The following GLIS3 variants were observed in gnomAD, a reference collection of about 807,000 sequenced individuals.
GLIS3 encodes the protein zinc finger protein GLIS3.
Under a neutral mutation model 78.6 loss-of-function variants are expected in GLIS3, and 53 were observed. That is an observed-to-expected ratio of 0.67 (90% CI 0.54 to 0.85). The LOEUF (loss-of-function observed/expected upper bound fraction) is 0.85, where lower values mean the gene tolerates loss of function less well. GLIS3 is among the 40% of genes least tolerant of loss of function. The pLI is 0.00. For synonymous variants in GLIS3, 684 were observed against 509.9 expected (o/e 1.34, Z -4.60); for missense variants, 1,703 against 1,231.1 (o/e 1.38, Z -5.74).
chr9:3,877,951 C>A (rs1022292770), intron 8 of GLIS3, among the ~76,000 whole-genome samples: 3 of 152,162 alleles, frequency 2.0e-5, no homozygotes, highest in African/African-American at 7.2e-5. Context: ...GGATAAGGGG[C>A]AAATTCCTTA....
chr9:4,144,449 T>G (rs1296007186), intron 2 of GLIS3, among the ~76,000 whole-genome samples: 1 of 152,250 alleles, frequency 6.6e-6, no homozygotes, highest in Non-Finnish European at 1.5e-5. Flanking sequence ...CTCGTTTCTG[T>G]GTCATTTTTG....
chr9:3,827,902 G>C lies in GLIS3; in HGVS notation c.*370C>G, dbSNP rs532544590. 6.1e-6 allele frequency: 2 copies of C among 325,314 alleles called. No homozygotes were observed. Among genetic ancestry groups the C allele is most frequent in the East Asian group, 1.6e-4 (2 of 12,894 alleles). The allele number at this position is 325,314 out of a possible 1,614,324, so 20.2% of individuals were successfully genotyped here. The stretch of plus-strand genomic sequence containing the variant: ...TCTCGTAATTGAGGTCTTTTTCCCT[G>C]TTTGGAGTTTTCAGGTAGAGTCATC... On this transcript the variant is annotated 3_prime_UTR_variant, in exon 11 of 11. Transcript: ENST00000381971.
intron 2 of GLIS3, among the ~76,000 whole-genome samples, chr9:4,267,610 T>C (rs1418301509): frequency 6.6e-6 from 1 of 152,204 alleles, no homozygotes; most frequent in Non-Finnish European, 1.5e-5. Context: ...TGGCACATCT[T>C]AGGAAACTTT....
chr9:3,956,943 C>T (rs972962195), intron 4 of GLIS3, among the ~76,000 whole-genome samples: 2 of 152,198 alleles, frequency 1.3e-5, no homozygotes, highest in African/African-American at 4.8e-5. Flanking sequence ...GCTGATTGAG[C>T]CCCCATATCT....
chr9:4,008,566 T>C (rs1222312139), intron 4 of GLIS3, among the ~76,000 whole-genome samples: 1 of 152,210 alleles, frequency 6.6e-6, no homozygotes, highest in African/African-American at 2.4e-5. Flanking sequence ...TGACATCTTT[T>C]AACAGAGGGG....
chr9:4,149,209 C>T (rs570650560), intron 2 of GLIS3, among the ~76,000 whole-genome samples: 1 of 152,310 alleles, frequency 6.6e-6, no homozygotes, highest in South Asian at 2.1e-4. Context: ...GGAAGGCTTA[C>T]TTGGTGCCAG....
intron 4 of GLIS3, among the ~76,000 whole-genome samples, chr9:3,963,504 C>T (rs1419075854): frequency 6.6e-6 from 1 of 152,098 alleles, no homozygotes; most frequent in Non-Finnish European, 1.5e-5. Context: ...GGTGCTTGGC[C>T]AAGTGGCTTC....
intron 8 of GLIS3, among the ~76,000 whole-genome samples, chr9:3,863,498 A>G (rs1351886665): frequency 6.6e-6 from 1 of 152,210 alleles, no homozygotes; most frequent in Non-Finnish European, 1.5e-5. Context: ...ATAGTCCAAG[A>G]GCCTAATCTG....
In GLIS3 at chr9:4,284,107, G is replaced by C. The variant is rs1481148205; in HGVS notation, c.388+1931C>G. 4.6e-5 allele frequency among the ~76,000 whole-genome samples: 7 copies of C among 152,206 alleles called. No individual in the cohort carries two copies. In the East Asian group the frequency reaches 1.2e-3, roughly 25 times the overall value. On this transcript the variant is annotated intron_variant, in intron 2 of 10. Coordinates refer to ENST00000381971, the MANE Select transcript of GLIS3 (RefSeq NM_001042413.2). ...ACAGCCACTGCTGACCGCCATCAAA[G>C]TTAGTATTCCCAAGCTCCTTACTGG... is the stretch of plus-strand genomic sequence containing the variant.
the GLIS3 span, among the ~76,000 whole-genome samples, chr9:4,353,934 T>G: frequency 6.6e-6 from 1 of 151,686 alleles, no homozygotes; most frequent in Admixed American, 6.6e-5. Context: ...TTCACGCCAT[T>G]CTCCTGCCTC....
chr9:4,184,639 T>C (rs1338422013), intron 2 of GLIS3, among the ~76,000 whole-genome samples: 1 of 152,234 alleles, frequency 6.6e-6, no homozygotes, highest in Non-Finnish European at 1.5e-5. Flanking sequence ...TGGTACTTCA[T>C]GTAGGTGAAG....
At chr9:4,288,445 C>T (rs1404498589) in intron 1 of GLIS3, among the ~76,000 whole-genome samples, 1 of 151,730 alleles carries the variant, frequency 6.6e-6, no homozygotes, top group Admixed American at 6.6e-5. Context: ...CAAGTGTCTG[C>T]AGATTTTCAG....
intron 2 of GLIS3, among the ~76,000 whole-genome samples, chr9:4,328,339 A>T (rs1433662584): frequency 6.6e-6 from 1 of 152,196 alleles, no homozygotes; most frequent in East Asian, 1.9e-4. Flanking sequence ...AGTTGAACAA[A>T]ACCAGAACCC....
chr9:4,464,861 T>A, the GLIS3 span, among the ~76,000 whole-genome samples: 1 of 152,124 alleles, frequency 6.6e-6, no homozygotes, highest in East Asian at 1.9e-4. Context: ...CACATTTGAG[T>A]TTAAACCTGA....
chr9:4,436,453 C>T, the GLIS3 span, among the ~76,000 whole-genome samples: 1 of 152,104 alleles, frequency 6.6e-6, no homozygotes, highest in Non-Finnish European at 1.5e-5. Flanking sequence ...TTCCTCATAT[C>T]ACTGCCACCA....
intron 2 of GLIS3, among the ~76,000 whole-genome samples, chr9:4,150,457 G>A (rs1382914440): frequency 1.3e-5 from 2 of 152,202 alleles, no homozygotes; most frequent in Non-Finnish European, 2.9e-5. Context: ...TTCAGTCTGT[G>A]GCAAGCTCAG....
intron 4 of GLIS3, among the ~76,000 whole-genome samples, chr9:4,116,461 C>G (rs529037071): frequency 2.0e-4 from 31 of 152,348 alleles, no homozygotes; most frequent in African/African-American, 7.5e-4. Context: ...AGAAAAATCA[C>G]AATGTGGTGC....
At chr9:4,251,542 A>G (rs1363402777) in intron 2 of GLIS3, among the ~76,000 whole-genome samples, 2 of 151,956 alleles carry the variant, frequency 1.3e-5, no homozygotes, top group Non-Finnish European at 2.9e-5. Flanking sequence ...CAGCACACCA[A>G]TGAGTCTTGA....
At chr9:4,347,465 T>A (rs1434125583) in intron 1 of GLIS3, among the ~76,000 whole-genome samples, 2 of 152,160 alleles carry the variant, frequency 1.3e-5, no homozygotes, top group African/African-American at 4.8e-5. Flanking sequence ...AGGGCTACTC[T>A]CAGTGGTATG....
Sources: gnomAD v4.1 joint callset for allele counts (sites outside exome capture counted in the v4.1 genomes callset) on GRCh38, gnomAD v4.1.1 for gene constraint, MANE v1.5 for transcripts, NCBI Gene and HGNC (gene_info 2026-07-23, HGNC 2026-07-21) for gene names.